The following TMC5 variants were observed in gnomAD, a reference collection of about 807,000 sequenced individuals.
TMC5 encodes the protein transmembrane channel-like protein 5.
Under a neutral mutation model 110.5 loss-of-function variants are expected in TMC5, and 86 were observed. The observed-to-expected ratio is 0.78, with a 90% CI of 0.65 to 0.93. TMC5 has a LOEUF of 0.93. TMC5 is among the 40% of genes least tolerant of loss of function. The pLI is 0.00. For synonymous variants in TMC5, 455 were observed against 439.5 expected (o/e 1.04, Z -0.44); for missense variants, 1,144 against 1,222.8 (o/e 0.94, Z 0.96).
intron 2 of TMC5, among the ~76,000 whole-genome samples, chr16:19,437,073 G>A (rs1967365318): frequency 6.6e-6 from 1 of 152,182 alleles, no homozygotes; most frequent in South Asian, 2.1e-4. Flanking sequence ...TACTCAGAAT[G>A]CTGAGGGAGG....
chr16:19,448,869 T>C (rs1338355119), intron 4 of TMC5, among the ~76,000 whole-genome samples: 2 of 125,596 alleles, frequency 1.6e-5, no homozygotes, highest in East Asian at 3.9e-4. Flanking sequence ...TTTTCTTTTT[T>C]TTTTTTTTTT....
intron 17 of TMC5, among the ~76,000 whole-genome samples, chr16:19,488,963 A>G (rs958784396): frequency 4.6e-5 from 7 of 152,224 alleles, no homozygotes; most frequent in Non-Finnish European, 1.0e-4. Flanking sequence ...TTTAGGACAC[A>G]TGTGAAACTG....
At chr16:19,482,273 G>C (rs572521262) in intron 15 of TMC5, among the ~76,000 whole-genome samples, 8 of 152,198 alleles carry the variant, frequency 5.3e-5, no homozygotes, top group African/African-American at 1.9e-4. Flanking sequence ...GGCCAGGCTG[G>C]TCTTGAACTC....
In TMC5 at chr16:19,467,761, C is replaced by T. The variant is rs747833673; in HGVS notation, c.1637+1528C>T. On this transcript the variant is annotated intron_variant, in intron 9 of 21. Coordinates refer to ENST00000542583, the MANE Select transcript of TMC5 (RefSeq NM_001261841.2). ...CCTCCCAAAGTGCTGGGATTACAGGCGTGAGCCACTGCGCCCGGCCTGTAA... is the reference window on the plus strand; with the variant it reads ...CCTCCCAAAGTGCTGGGATTACAGGTGTGAGCCACTGCGCCCGGCCTGTAA... Among the ~76,000 whole-genome samples the T allele has an allele frequency of 5.3e-5, 8 of 151,924 alleles. No individual in the cohort carries two copies. In the South Asian group the frequency reaches 8.3e-4, roughly 16 times the overall value.
At position 19,420,335 on chromosome 16, in the gene TMC5, A is replaced by C. The variant is rs561133596; in HGVS notation, c.-308+2243A>C. On this transcript the variant is annotated intron_variant, in intron 1 of 21. Coordinates refer to ENST00000542583, the MANE Select transcript of TMC5 (RefSeq NM_001261841.2). ...CTCAGCTACTGGAGAGGCTGAAGCA[A>C]GGGAATCACTGGAACCCACGTGGCG... 3.3e-5 allele frequency among the ~76,000 whole-genome samples: 5 copies of C among 152,230 alleles called. No individual in the cohort carries two copies. In the East Asian group the frequency reaches 9.7e-4, roughly 29 times the overall value.
At chr16:19,442,456 G>A (rs1203443148) in intron 3 of TMC5, among the ~76,000 whole-genome samples, 1 of 151,490 alleles carries the variant, frequency 6.6e-6, no homozygotes, top group Non-Finnish European at 1.5e-5. Flanking sequence ...AGCCTCCCAA[G>A]TAGCTGGGAT....
intron 1 of TMC5, among the ~76,000 whole-genome samples, chr16:19,418,727 G>GTTTTTTTTTTTTT (rs57232416): frequency 1.7e-5 from 2 of 119,116 alleles, no homozygotes; most frequent in Non-Finnish European, 3.6e-5. Flanking sequence ...TGATTTTTGT[G>GTTTTTTTTTTTTT]TTTTTTTTTT....
chr16:19,452,192 G>A (rs1967764748), intron 5 of TMC5, among the ~76,000 whole-genome samples: 1 of 152,184 alleles, frequency 6.6e-6, no homozygotes, highest in South Asian at 2.1e-4. Context: ...AGAACTTCGG[G>A]AAACTTATGT....
At chr16:19,412,484 A>G (rs939436280) in intron 1 of TMC5, among the ~76,000 whole-genome samples, 7 of 150,648 alleles carry the variant, frequency 4.6e-5, no homozygotes, top group Admixed American at 4.0e-4. Context: ...TCCTGCCTCA[A>G]CCTCCCAAGT....
upstream of TMC5, among the ~76,000 whole-genome samples, chr16:19,415,827 C>G (rs1288417342): frequency 6.6e-6 from 1 of 152,104 alleles, no homozygotes; most frequent in Non-Finnish European, 1.5e-5. Context: ...AGGTCTCTTC[C>G]ACAGGAGAAA....
intron 5 of TMC5, among the ~76,000 whole-genome samples, chr16:19,450,449 C>T (rs893487855): frequency 1.1e-4 from 16 of 152,194 alleles, no homozygotes; most frequent in Non-Finnish European, 2.2e-4. Context: ...GTCACCTGGA[C>T]TCTGGTTTCC....
intron 2 of TMC5, among the ~76,000 whole-genome samples, chr16:19,431,656 T>C (rs1313123926): frequency 6.6e-6 from 1 of 152,154 alleles, no homozygotes; most frequent in Non-Finnish European, 1.5e-5. Context: ...CTGGTCAATT[T>C]GCTGTTTTGT....
rs1052699689 is a variant in TMC5, at chr16:19,487,263, T to A, written c.2510T>A (p.Ile837Asn). 1.2e-6 allele frequency: 2 copies of A among 1,614,182 alleles called. No homozygotes were observed. The highest frequency in any genetic ancestry group is 8.5e-7 in the Non-Finnish European group (1 of 1,180,030). Residue 837 changes from isoleucine to asparagine, a missense_variant, in exon 17 of 22, where the codon ATC (isoleucine) becomes AAC (asparagine). Transcript: ENST00000542583. The stretch of plus-strand genomic sequence containing the variant: ...GCCTCACAGATGATGACTTTCTTCA[T>A]CTTCTTGCTCTTTTTCCCATCCTTC... Reference protein sequence around the residue: ...WRASQMMTFFIFLLFFPSFTG... With the variant: ...WRASQMMTFFNFLLFFPSFTG...
chr16:19,425,584 G>A (rs949798116), intron 1 of TMC5, among the ~76,000 whole-genome samples: 1 of 152,062 alleles, frequency 6.6e-6, no homozygotes, highest in Non-Finnish European at 1.5e-5. Flanking sequence ...TAGAGCTGGC[G>A]CACAGCTGTT....
In TMC5 at chr16:19,479,631, C is replaced by T. The variant is rs151102798; in HGVS notation, c.2267+103C>T. On this transcript the variant is annotated intron_variant, in intron 14 of 21. Transcript: ENST00000542583. ...AGGTGCCTGACATACTCAAAGCGTG[C>T]GTTGTTCCAAGTCTGCCTGTTGTCC... 1.2e-4 allele frequency: 96 copies of T among 809,820 alleles called. 1 individual carries two copies. The highest frequency in any genetic ancestry group is 1.7e-4 in the Admixed American group (8 of 47,890). The allele number at this position is 809,820 out of a possible 1,614,324, so 50.2% of individuals were successfully genotyped here.
intron 2 of TMC5, among the ~76,000 whole-genome samples, chr16:19,436,291 A>AAAAAAAAAG: frequency 6.7e-6 from 1 of 149,196 alleles, no homozygotes; most frequent in South Asian, 2.1e-4. Flanking sequence ...AAAAGAAAGG[A>AAAAAAAAAG]AAAAGAAAAA....
At chr16:19,434,028 C>CTA (rs1432269559) in intron 2 of TMC5, among the ~76,000 whole-genome samples, 18 of 5,636 alleles carry the variant, frequency 3.2e-3, no homozygotes, top group South Asian at 9.4e-3. Flanking sequence ...ATATATAAAT[C>CTA]TATATATTAT....
In TMC5 at chr16:19,477,502, C is replaced by T. The variant is rs1478748974; in HGVS notation, c.2153C>T (p.Ala718Val). The T allele has an allele frequency of 9.3e-6, 15 of 1,609,876 alleles. No homozygotes were observed. Among genetic ancestry groups the T allele is most frequent in the Non-Finnish European group, 1.3e-5 (15 of 1,178,144 alleles). The change falls in exon 13 of 22, where the codon GCC becomes GTC. Residue 718 changes from alanine (A) to valine (V), a missense_variant. Physicochemically the swap from Ala to Val is moderately conservative, Grantham distance 64. Coordinates refer to ENST00000542583, the MANE Select transcript of TMC5 (RefSeq NM_001261841.2). ...ILCYYWLNTV[A>V]LSGEECWETL... ...TGTTACTATTGGCTCAACACCGTGG[C>T]CCTGTCTGGTGAAGAGGTGAGATTC...
chr16:19,495,011 CT>C (rs56178955), intron 20 of TMC5, among the ~76,000 whole-genome samples: 4 of 40,488 alleles, frequency 9.9e-5, no homozygotes, highest in East Asian at 5.5e-4. Context: ...AGTGTCTATT[CT>C]TTTTTTTTTT....
Sources: allele counts gnomAD v4.1 joint callset (sites outside exome capture counted in the v4.1 genomes callset), GRCh38; gene constraint gnomAD v4.1.1; transcripts MANE v1.5; gene names NCBI Gene and HGNC (gene_info 2026-07-23, HGNC 2026-07-21).